Variants in PDXDC1 observed in about 807,000 individuals in gnomAD.
The protein encoded by PDXDC1 is pyridoxal-dependent decarboxylase domain-containing protein 1.
In PDXDC1, 42 loss-of-function variants were observed where a neutral mutation model predicts 100.1. The observed-to-expected ratio is 0.42, with a 90% CI of 0.33 to 0.54. The LOEUF is 0.54. Ranked by LOEUF, PDXDC1 falls within the 20% of genes least tolerant of loss-of-function variation. The pLI, the probability that PDXDC1 is intolerant of heterozygous loss-of-function variation, is 0.10. For missense variants in PDXDC1, 636 were observed against 979.2 expected (o/e 0.65, Z 4.68); for synonymous variants, 260 against 371.7 (o/e 0.70, Z 3.46).
chr16:15,100,250 TC>T (rs1456726519), intron 16 of PDXDC1, among the ~76,000 whole-genome samples: 1 of 152,228 alleles, frequency 6.6e-6, no homozygotes, highest in African/African-American at 2.4e-5. Context: ...ATCTCATTTG[TC>T]CTTTTTCCTT....
intron 16 of PDXDC1, among the ~76,000 whole-genome samples, chr16:15,111,227 C>A (rs1020373360): frequency 6.7e-6 from 1 of 148,632 alleles, no homozygotes; most frequent in African/African-American, 2.4e-5. Context: ...GAGGCCGAGG[C>A]AGGCGGATCA....
At chr16:15,145,535 T>C in the PDXDC1 span, among the ~76,000 whole-genome samples, 13 of 152,374 alleles carry the variant, frequency 8.5e-5, 1 homozygote, top group South Asian at 2.1e-3. Flanking sequence ...CTTCAGATCA[T>C]GGCGCTGCTA....
intron 22 of PDXDC1, 43 bp downstream of exon 22, chr16:15,035,596 C>T (rs545187216): frequency 1.7e-6 from 2 of 1,211,998 alleles, no homozygotes; most frequent in Non-Finnish European, 2.3e-6. Context: ...CAGGTTTCCC[C>T]TGTTGACTGT....
chr16:15,130,288 G>A (rs963321592), intron 16 of PDXDC1: 33 of 1,536,410 alleles, frequency 2.1e-5, no homozygotes, highest in African/African-American at 4.1e-5. Flanking sequence ...ACGGCCTGGC[G>A]GGGCGAGGTC....
In PDXDC1 at chr16:15,031,723, G is replaced by A. The variant is rs775821693; in HGVS notation, c.1400-12G>A. The A allele has an allele frequency of 1.2e-5, 19 of 1,603,908 alleles. No homozygotes were observed. In the Admixed American group the frequency reaches 3.2e-4, roughly 27 times the overall value. The stretch of plus-strand genomic sequence containing the variant: ...CTCGTGAGCATTTCTCTGACATTGT[G>A]AACATCTTCAGTTTTAGGAACTCGG... On this transcript the variant is annotated splice_polypyrimidine_tract_variant and intron_variant, in intron 16 of 22. Transcript: ENST00000396410.
Position 15,067,998 on chromosome 16 carries a change from C to A in PDXDC1, c.1399+37942C>A, listed in dbSNP as rs571552082. ...TGGTCTTTTAACTCCTGGCCTCAAG[C>A]AATCCTCCCACCTCAGCCTCCCAAA... On this transcript the variant is annotated intron_variant, in intron 16 of 16. Coordinates refer to the PDXDC1 transcript ENST00000535621. Among the ~76,000 whole-genome samples the A allele has an allele frequency of 3.0e-3, 459 of 151,920 alleles. 1 individual carries two copies. Among genetic ancestry groups the A allele is most frequent in the African/African-American group, 0.011 (442 of 41,390 alleles).
intron 16 of PDXDC1, chr16:15,130,757 C>T (rs769712800): frequency 3.8e-6 from 5 of 1,316,458 alleles, no homozygotes; most frequent in African/African-American, 2.8e-5. Context: ...GGTAGACTGC[C>T]AGGTAGGGCT....
intron 1 of PDXDC1, 166 bp downstream of exon 1, chr16:14,975,386 C>T: frequency 2.0e-6 from 2 of 985,502 alleles, no homozygotes; most frequent in Non-Finnish European, 2.4e-6. Context: ...GGGGCCCGGG[C>T]GCGTCACGGG....
intron 19 of PDXDC1, among the ~76,000 whole-genome samples, chr16:15,033,934 G>GGT (rs1260825609): frequency 2.0e-5 from 3 of 152,182 alleles, no homozygotes; most frequent in Non-Finnish European, 4.4e-5. Flanking sequence ...GAGGGACCAA[G>GGT]GTAAGACTGC....
In PDXDC1 at chr16:15,127,282, C is replaced by T. The variant is rs537692592; in HGVS notation, c.1400-11597C>T. On this transcript the variant is annotated intron_variant, in intron 16 of 16. Transcript: ENST00000535621. ...TGCCCTCGTTCTTTCACGATTCTGG[C>T]TTCTGAGTCTTCTCTCTTTCTCCCT... The T allele has an allele frequency of 1.0e-3, 588 of 586,236 alleles. 2 individuals are homozygous for T. The highest frequency in any genetic ancestry group is 5.2e-3 in the African/African-American group (278 of 53,440). 36.3% of individuals were successfully genotyped at this position (586,236 alleles called of 1,614,324 possible). A position where few individuals can be genotyped will look rare whatever the true frequency, so the allele number is the denominator to read the frequency against.
chr16:15,037,812 A>ACAT lies in PDXDC1; in HGVS notation c.*1540_*1542dup, dbSNP rs1187639712. On this transcript the variant is annotated 3_prime_UTR_variant, in exon 23 of 23. Transcript: ENST00000396410. ...TATTACCGACCAAAAAAAAAACTGG[A>ACAT]CATCAATTTTTTAGTAAACCAAAAA... 6.6e-6 allele frequency: 3 copies of ACAT among 453,388 alleles called. No homozygotes were observed. Among genetic ancestry groups the ACAT allele is most frequent in the Non-Finnish European group, 7.8e-6 (2 of 257,920 alleles). 28.1% of individuals were successfully genotyped at this position (453,388 alleles called of 1,614,324 possible).
intron 16 of PDXDC1, chr16:15,073,180 A>C: frequency 1.5e-6 from 2 of 1,370,092 alleles, no homozygotes; most frequent in Non-Finnish European, 1.0e-6. Context: ...AAACAACATT[A>C]TCCAGCCAAG....
At chr16:14,998,758 A>G (rs1394987005) in intron 3 of PDXDC1, among the ~76,000 whole-genome samples, 1 of 152,250 alleles carries the variant, frequency 6.6e-6, no homozygotes, top group Non-Finnish European at 1.5e-5. Context: ...CCCGGCCTAC[A>G]TTTTTCTTAA....
chr16:15,137,593 A>C, intron 16 of PDXDC1: 8 of 1,357,880 alleles, frequency 5.9e-6, no homozygotes, highest in Non-Finnish European at 8.1e-6. Flanking sequence ...GCTCCACCCC[A>C]CACACCCCCA....
chr16:15,079,606 T>C (rs1199303597), intron 16 of PDXDC1, among the ~76,000 whole-genome samples: 2 of 151,858 alleles, frequency 1.3e-5, no homozygotes, highest in Admixed American at 6.6e-5. Flanking sequence ...CTTTTTTTTT[T>C]TTTTGAGATG....
chr16:15,059,089 A>C (rs1464091713), intron 16 of PDXDC1, among the ~76,000 whole-genome samples: 1 of 152,236 alleles, frequency 6.6e-6, no homozygotes, highest in African/African-American at 2.4e-5. Context: ...ACAGTTCTCA[A>C]GGCAGCCTGC....
intron 19 of PDXDC1, chr16:15,033,975 C>T (rs922261178): frequency 4.1e-6 from 2 of 483,952 alleles, no homozygotes; most frequent in African/African-American, 3.9e-5. Context: ...AGCCATTGGA[C>T]ATGCGGCCGA....
intron 16 of PDXDC1, chr16:15,125,501 C>T (rs1231002005): frequency 1.5e-6 from 2 of 1,371,214 alleles, no homozygotes; most frequent in African/African-American, 1.4e-5. Flanking sequence ...CCCGGTACTC[C>T]AGACACAGTG....
At chr16:15,114,422 AC>A (rs1175371524) in intron 16 of PDXDC1, 4 of 1,595,558 alleles carry the variant, frequency 2.5e-6, no homozygotes, top group Non-Finnish European at 2.5e-6. Context: ...GTATACCTCT[AC>A]AGAAAGTTAG....
Sources: gnomAD v4.1 joint callset for allele counts (sites outside exome capture counted in the v4.1 genomes callset) on GRCh38, gnomAD v4.1.1 for gene constraint, MANE v1.5 for transcripts, NCBI Gene and HGNC (gene_info 2026-07-23, HGNC 2026-07-21) for gene names.